CHN2: variants seen among roughly 807,000 people sequenced by gnomAD.
CHN2 encodes the protein beta-chimaerin.
A neutral mutation model predicts 56.3 loss-of-function variants in CHN2; 35 were observed. The ratio of observed to expected loss-of-function variants is 0.62; its 90% CI spans 0.47 to 0.82. The LOEUF (loss-of-function observed/expected upper bound fraction) is 0.82. Ranked by LOEUF, CHN2 falls within the 40% of genes least tolerant of loss-of-function variation. The pLI is 0.00. For synonymous variants in CHN2, 210 were observed against 212.8 expected (o/e 0.99, Z 0.12); for missense variants, 491 against 580.5 (o/e 0.85, Z 1.58).
intron 1 of CHN2, among the ~76,000 whole-genome samples, chr7:29,351,958 G>T (rs1797916865): frequency 6.6e-6 from 1 of 152,148 alleles, no homozygotes; most frequent in Admixed American, 6.5e-5. Context: ...GAACAGACTG[G>T]GTTGTTTACG....
rs1554358914 is a variant in CHN2 at position 29,195,649 on chromosome 7, T to TGTGTGTGAGA, written c.49+660_49+661insTGTGTGAGAG. On this transcript the variant is annotated intron_variant, in intron 1 of 12. Transcript: ENST00000222792. ...GAGAGAGTGTGTGTGTGTGTGTGTG[T>TGTGTGTGAGA]GAGAGAGAGAGAGAGAGAGACTCCT... Among the ~76,000 whole-genome samples the TGTGTGTGAGA allele has an allele frequency of 4.6e-5, 6 of 130,732 alleles. No individual in the cohort carries two copies. The East Asian group carries it at 1.4e-3, about 30-fold the overall frequency. 85.8% of individuals were successfully genotyped at this position (130,732 alleles called of 152,430 possible).
intron 1 of CHN2, among the ~76,000 whole-genome samples, chr7:29,260,790 A>T (rs991206111): frequency 6.6e-6 from 1 of 152,124 alleles, no homozygotes; most frequent in Non-Finnish European, 1.5e-5. Flanking sequence ...CTGTTTTATG[A>T]GGTGGTGTCT....
chr7:29,362,567 GC>G (rs900594066), intron 2 of CHN2, among the ~76,000 whole-genome samples: 2 of 152,126 alleles, frequency 1.3e-5, no homozygotes, highest in African/African-American at 4.8e-5. Flanking sequence ...TCAAGGTCCA[GC>G]CCCACATGGC....
intron 7 of CHN2, among the ~76,000 whole-genome samples, chr7:29,486,360 T>C (rs370797944): frequency 6.6e-6 from 1 of 152,320 alleles, no homozygotes; most frequent in Admixed American, 6.5e-5. Context: ...GTGTGTTGTA[T>C]GCACCTGTGT....
chr7:29,434,066 T>C (rs1783049956), intron 6 of CHN2, among the ~76,000 whole-genome samples: 1 of 152,210 alleles, frequency 6.6e-6, no homozygotes, highest in Admixed American at 6.5e-5. Flanking sequence ...CTCTCCTAAT[T>C]TGTACTCTTT....
At chr7:29,148,665 G>C (rs17756127) in intron 2 of CHN2, 6,668 of 152,226 alleles carry the variant, frequency 0.044, 213 homozygotes, top group South Asian at 0.093. Context: ...TGACCTTTTT[G>C]GGGTACCCTG....
intron 1 of CHN2, among the ~76,000 whole-genome samples, chr7:29,265,841 G>C (rs951150379): frequency 2.0e-5 from 3 of 152,148 alleles, no homozygotes; most frequent in Non-Finnish European, 4.4e-5. Flanking sequence ...CAAGGAAAAG[G>C]CCCATGAAGT....
At chr7:29,462,068 T>C (rs1785209664) in intron 6 of CHN2, among the ~76,000 whole-genome samples, 3 of 152,228 alleles carry the variant, frequency 2.0e-5, no homozygotes, top group South Asian at 4.1e-4. Context: ...AGAAAAAATA[T>C]AGTCATTGTT....
chr7:29,294,091 C>T (rs1225266962), intron 1 of CHN2, among the ~76,000 whole-genome samples: 1 of 152,044 alleles, frequency 6.6e-6, no homozygotes, highest in African/African-American at 2.4e-5. Flanking sequence ...TGGTCTCGAT[C>T]TCCTGACCTC....
At chr7:29,273,357 A>ATATATATATATATATATGTG (rs2128850718) in intron 1 of CHN2, among the ~76,000 whole-genome samples, 1 of 76,074 alleles carries the variant, frequency 1.3e-5, no homozygotes, top group African/African-American at 5.8e-5. Flanking sequence ...ATATATATAT[A>ATATATATATATATATATGTG]TATATATATA....
chr7:29,368,894 C>A (rs1799386889), intron 3 of CHN2, among the ~76,000 whole-genome samples: 1 of 152,170 alleles, frequency 6.6e-6, no homozygotes, highest in South Asian at 2.1e-4. Flanking sequence ...TTTTAGTACA[C>A]AGTAGACTTT....
At chr7:29,419,236 A>G (rs373053460) in intron 6 of CHN2, among the ~76,000 whole-genome samples, 1 of 152,328 alleles carries the variant, frequency 6.6e-6, no homozygotes, top group African/African-American at 2.4e-5. Flanking sequence ...TGAATCTACT[A>G]CCAGATTAAA....
chr7:29,304,245 TAG>T (rs1562903840), intron 1 of CHN2, among the ~76,000 whole-genome samples: 1 of 152,036 alleles, frequency 6.6e-6, no homozygotes, highest in South Asian at 2.1e-4. Context: ...GGACATAAAT[TAG>T]AGGCAGAACA....
intron 1 of CHN2, among the ~76,000 whole-genome samples, chr7:29,339,053 G>A (rs1405230480): frequency 6.6e-6 from 1 of 152,164 alleles, no homozygotes; most frequent in Non-Finnish European, 1.5e-5. Flanking sequence ...GGATTACTCA[G>A]TTAATTTATT....
Position 29,269,764 on chromosome 7 carries a change from T to C in CHN2, c.49+74774T>C, listed in dbSNP as rs937700042. ...TCATAAATCAAAAGGACTGAGGATG[T>C]CAGGCAAACAGAGAAAACAGTCCCC... On this transcript the variant is annotated intron_variant, in intron 1 of 12. Transcript: ENST00000222792. Among the ~76,000 whole-genome samples, 11 of 152,238 alleles carry C rather than the reference T, an allele frequency of 7.2e-5. No homozygotes were observed. The South Asian group carries it at 1.7e-3, about 23-fold the overall frequency.
chr7:29,172,395 A>G (rs1464835809), intron 2 of CHN2, among the ~76,000 whole-genome samples: 1 of 152,200 alleles, frequency 6.6e-6, no homozygotes, highest in African/African-American at 2.4e-5. Flanking sequence ...ATCAGTGTCT[A>G]AAGTTTTCTT....
chr7:29,158,002 G>C (rs1794656669), intron 2 of CHN2, among the ~76,000 whole-genome samples: 1 of 152,184 alleles, frequency 6.6e-6, no homozygotes, highest in Non-Finnish European at 1.5e-5. Flanking sequence ...AGAAACGGAA[G>C]GAAGTGTTAT....
chr7:29,298,853 TTCTC>T lies in CHN2; in HGVS notation c.50-55771_50-55768del, dbSNP rs552570948. Among the ~76,000 whole-genome samples, 202 of 146,458 alleles carry T rather than the reference TTCTC, an allele frequency of 1.4e-3. 1 individual carries two copies. The highest frequency in any genetic ancestry group is 6.0e-4 in the Non-Finnish European group (40 of 66,688). ...AAGTTTTGAAACATAATTTCTCTCT[TTCTC>T]CAGTCCTCATTTTTGTTAAAAAAAA... On this transcript the variant is annotated intron_variant, in intron 1 of 12. Transcript: ENST00000222792.
chr7:29,385,134 G>T lies in CHN2; in HGVS notation c.145-8545G>T, dbSNP rs569885337. Among the ~76,000 whole-genome samples the T allele has an allele frequency of 2.6e-5, 4 of 152,152 alleles. No homozygotes were observed. The East Asian group carries it at 5.8e-4, about 22-fold the overall frequency. On this transcript the variant is annotated intron_variant, in intron 3 of 12. Transcript: ENST00000222792. Reference sequence around the variant, plus strand: ...GATATATTTCCTTAAGTAGTTGGAGGTCTCTCACCAGTACTGTTTTTTCTT... The same window carrying T: ...GATATATTTCCTTAAGTAGTTGGAGTTCTCTCACCAGTACTGTTTTTTCTT...
Sources: gnomAD v4.1 joint callset for allele counts (sites outside exome capture counted in the v4.1 genomes callset) on GRCh38, gnomAD v4.1.1 for gene constraint, MANE v1.5 for transcripts, NCBI Gene and HGNC (gene_info 2026-07-23, HGNC 2026-07-21) for gene names.